The following NALCN variants were observed in gnomAD, a reference collection of about 807,000 sequenced individuals.
The protein encoded by NALCN is sodium leak channel NALCN.
A neutral mutation model predicts 225.3 loss-of-function variants in NALCN; 111 were observed. The ratio of observed to expected loss-of-function variants is 0.49; its 90% CI spans 0.42 to 0.58. The LOEUF is 0.58. Among genes scored for constraint, NALCN ranks in the 20% least tolerant of loss-of-function variants. The pLI, the probability that NALCN is intolerant of heterozygous loss-of-function variation, is 0.00. For missense variants in NALCN, 1,378 were observed against 2,202.4 expected (o/e 0.63, Z 7.49); for synonymous variants, 764 against 769.0 (o/e 0.99, Z 0.11).
At chr13:101,241,364 G>A (rs540015105) in intron 11 of NALCN, among the ~76,000 whole-genome samples, 4 of 152,266 alleles carry the variant, frequency 2.6e-5, no homozygotes, top group East Asian at 1.9e-4. Flanking sequence ...GATTCTGGAC[G>A]TAATGGGATT....
At position 101,143,255 on chromosome 13, in the gene NALCN, A is replaced by G. The variant is rs2037183552; in HGVS notation, c.1977-34T>C. On this transcript the variant is annotated intron_variant, in intron 16 of 43. Transcript: ENST00000251127. ...ATGAAGTATATGTGCATCAGGCATT[A>G]TTAGTGGAAGGGAGCAAGTGACAGC... The G allele has an allele frequency of 1.9e-6, 3 of 1,565,820 alleles. No homozygotes were observed. The South Asian group carries it at 3.6e-5, about 19-fold the overall frequency.
chr13:101,195,879 G>A (rs948402256), intron 13 of NALCN, among the ~76,000 whole-genome samples: 2 of 152,016 alleles, frequency 1.3e-5, no homozygotes, highest in Non-Finnish European at 2.9e-5. Context: ...TCCATCTCGT[G>A]TCATGTATAC....
chr13:101,197,112 C>T (rs1232891593), intron 13 of NALCN, among the ~76,000 whole-genome samples: 2 of 152,158 alleles, frequency 1.3e-5, no homozygotes, highest in Non-Finnish European at 2.9e-5. Flanking sequence ...GGCTTCTATA[C>T]ATGAGTGGTT....
chr13:101,054,325 C>CAGAG lies in NALCN; in HGVS notation c.*966_*969dup, dbSNP rs1180790996. The stretch of plus-strand genomic sequence containing the variant: ...TTATTTCCATAGAAGATTCTTTTAA[C>CAGAG]AGAGATGTCATTTCAAATCTAACGT... On this transcript the variant is annotated 3_prime_UTR_variant, in exon 44 of 44. Coordinates refer to ENST00000251127, the MANE Select transcript of NALCN (RefSeq NM_052867.4). 6.6e-6 allele frequency: 1 copy of CAGAG among 152,100 alleles called. No homozygotes were observed. The highest frequency in any genetic ancestry group is 1.9e-4 in the East Asian group (1 of 5,178). The allele number at this position is 152,100 out of a possible 1,614,324, so 9.4% of individuals were successfully genotyped here.
chr13:101,338,904 G>A (rs947246281), intron 7 of NALCN, among the ~76,000 whole-genome samples: 3 of 152,266 alleles, frequency 2.0e-5, no homozygotes, highest in South Asian at 2.1e-4. Flanking sequence ...GCCTCTGCCC[G>A]GAGTTCTCTG....
chr13:101,368,250 G>A (rs1012617578), intron 6 of NALCN, among the ~76,000 whole-genome samples: 20 of 148,662 alleles, frequency 1.3e-4, no homozygotes, highest in African/African-American at 2.2e-4. Flanking sequence ...GAGAATATGC[G>A]GTGTTTGGTT....
chr13:101,234,704 T>C (rs2041482171), intron 12 of NALCN, among the ~76,000 whole-genome samples: 1 of 152,188 alleles, frequency 6.6e-6, no homozygotes, highest in Non-Finnish European at 1.5e-5. Flanking sequence ...TATAGAGAGA[T>C]ACAAATGAAA....
chr13:101,407,040 G>A (rs2139539937), intron 1 of NALCN, among the ~76,000 whole-genome samples: 1 of 152,274 alleles, frequency 6.6e-6, no homozygotes, highest in South Asian at 2.1e-4. Context: ...TTTTTACAGA[G>A]ATTGTGCAAG....
At chr13:101,134,845 A>G (rs2036692243) in intron 17 of NALCN, among the ~76,000 whole-genome samples, 1 of 152,232 alleles carries the variant, frequency 6.6e-6, no homozygotes. Context: ...GAAAAGCAAT[A>G]TCTTCGAGTA....
chr13:101,247,636 A>AT (rs978822147), intron 11 of NALCN, among the ~76,000 whole-genome samples: 1 of 152,004 alleles, frequency 6.6e-6, no homozygotes, highest in African/African-American at 2.4e-5. Context: ...TCATTATTTT[A>AT]TTTTTTTAAA....
chr13:101,129,560 A>G (rs892020616), intron 17 of NALCN, among the ~76,000 whole-genome samples: 4 of 152,138 alleles, frequency 2.6e-5, no homozygotes, highest in Non-Finnish European at 5.9e-5. Flanking sequence ...CATTTTCTTC[A>G]AGAAGCCCTG....
intron 18 of NALCN, among the ~76,000 whole-genome samples, chr13:101,115,553 G>A (rs865855367): frequency 1.3e-5 from 2 of 152,122 alleles, no homozygotes; most frequent in Admixed American, 6.6e-5. Context: ...TTAAAGTTAC[G>A]AAGTAACAGA....
chr13:101,326,693 T>C (rs1445360525), intron 7 of NALCN, among the ~76,000 whole-genome samples: 1 of 152,210 alleles, frequency 6.6e-6, no homozygotes, highest in Non-Finnish European at 1.5e-5. Context: ...TATGTTGCCA[T>C]ATAACAAATC....
intron 15 of NALCN, among the ~76,000 whole-genome samples, chr13:101,170,324 A>C (rs944410149): frequency 2.0e-4 from 30 of 152,294 alleles, no homozygotes; most frequent in African/African-American, 6.7e-4. Context: ...TGAGACAGAC[A>C]GCAAATTCAG....
chr13:101,343,544 T>C (rs1402512703), intron 7 of NALCN, among the ~76,000 whole-genome samples: 2 of 152,236 alleles, frequency 1.3e-5, no homozygotes, highest in African/African-American at 2.4e-5. Flanking sequence ...TAAATATTTA[T>C]GGAGGGCTCC....
chr13:101,317,015 A>C (rs1320227380), intron 7 of NALCN, among the ~76,000 whole-genome samples: 1 of 152,130 alleles, frequency 6.6e-6, no homozygotes, highest in Non-Finnish European at 1.5e-5. Context: ...CTATTCTGTA[A>C]ATTCTTTATT....
At chr13:101,058,363 C>T (rs1441231128) in intron 42 of NALCN, 1 of 243,548 alleles carries the variant, frequency 4.1e-6, no homozygotes, top group Non-Finnish European at 7.9e-6. Context: ...GCTGGCAAAC[C>T]AGGGGGTAAG....
chr13:101,119,384 C>T (rs1421488394), intron 18 of NALCN, among the ~76,000 whole-genome samples: 2 of 152,108 alleles, frequency 1.3e-5, no homozygotes, highest in Non-Finnish European at 2.9e-5. Context: ...AAGTGCATGG[C>T]AAAGAAAGTT....
At chr13:101,400,009 G>C (rs1468273928) in intron 1 of NALCN, among the ~76,000 whole-genome samples, 1 of 152,144 alleles carries the variant, frequency 6.6e-6, no homozygotes, top group Non-Finnish European at 1.5e-5. Context: ...GATGATCCCT[G>C]AGTCGACTGT....
Sources: allele counts gnomAD v4.1 joint callset (sites outside exome capture counted in the v4.1 genomes callset), GRCh38; gene constraint gnomAD v4.1.1; transcripts MANE v1.5; gene names NCBI Gene and HGNC (gene_info 2026-07-23, HGNC 2026-07-21).